The following MDN1 variants were observed in gnomAD, a reference collection of about 807,000 sequenced individuals.
The protein encoded by MDN1 is midasin AAA ATPase 1.
Under a neutral mutation model 669.2 loss-of-function variants are expected in MDN1, and 266 were observed. The observed-to-expected ratio is 0.40, with a 90% CI of 0.36 to 0.44. The LOEUF (loss-of-function observed/expected upper bound fraction) is 0.44, where lower values mean the gene tolerates loss of function less well. Among genes scored for constraint, MDN1 ranks in the 20% least tolerant of loss-of-function variants. The pLI is 1.00. For missense variants in MDN1, 5,940 were observed against 6,754.0 expected (o/e 0.88, Z 4.22); for synonymous variants, 2,385 against 2,457.1 (o/e 0.97, Z 0.87).
intron 53 of MDN1, among the ~76,000 whole-genome samples, chr6:89,703,394 C>T (rs1813296316): frequency 6.6e-6 from 1 of 151,186 alleles, no homozygotes; most frequent in South Asian, 2.1e-4. Context: ...TCTGTGAATC[C>T]TCTGTTTTAT....
chr6:89,779,261 T>C (rs1237591138), intron 11 of MDN1, among the ~76,000 whole-genome samples: 3 of 152,160 alleles, frequency 2.0e-5, no homozygotes, highest in Admixed American at 6.5e-5. Flanking sequence ...CTGGTTACCA[T>C]AGTATAGTTT....
intron 52 of MDN1, among the ~76,000 whole-genome samples, chr6:89,706,988 TG>T (rs1464641787): frequency 6.6e-6 from 1 of 152,010 alleles, no homozygotes; most frequent in Non-Finnish European, 1.5e-5. Context: ...CTATAATAAA[TG>T]CTTATGAATA....
chr6:89,702,938 CTTTTT>C (rs35611812), intron 53 of MDN1, among the ~76,000 whole-genome samples: 1 of 140,370 alleles, frequency 7.1e-6, no homozygotes, highest in Admixed American at 7.1e-5. Flanking sequence ...GGTAAAGGCC[CTTTTT>C]TTTTTTTTTT....
intron 37 of MDN1, among the ~76,000 whole-genome samples, chr6:89,725,984 T>C (rs1468298751): frequency 6.6e-6 from 1 of 151,476 alleles, no homozygotes; most frequent in African/African-American, 2.4e-5. Flanking sequence ...TATACACACA[T>C]ATATTAATAA....
chr6:89,742,289 T>G (rs958718341), intron 31 of MDN1, among the ~76,000 whole-genome samples: 1 of 152,120 alleles, frequency 6.6e-6, no homozygotes, highest in Non-Finnish European at 1.5e-5. Flanking sequence ...GGCACACATG[T>G]GTAGCCCAGC....
At chr6:89,763,207 T>C (rs1438243751) in intron 15 of MDN1, among the ~76,000 whole-genome samples, 2 of 151,902 alleles carry the variant, frequency 1.3e-5, no homozygotes, top group African/African-American at 2.4e-5. Context: ...GAAAAATAAA[T>C]ATCTGAAATT....
Position 89,715,712 on chromosome 6 carries a change from A to C in MDN1, c.6801T>G (p.Ile2267Met). 1.2e-6 allele frequency: 2 copies of C among 1,613,874 alleles called. No homozygotes were observed. Among genetic ancestry groups the C allele is most frequent in the Non-Finnish European group, 1.7e-6 (2 of 1,179,750 alleles). The change falls in exon 45 of 102, where the codon ATT (isoleucine) becomes ATG (methionine). Residue 2267 changes from isoleucine to methionine, a missense_variant. Physicochemically the swap from Ile to Met is conservative, Grantham distance 10. Coordinates refer to ENST00000369393, the MANE Select transcript of MDN1 (RefSeq NM_014611.3). Reference protein sequence around the residue: ...ALLEPGGVLTISERGMIDGST... With the variant: ...ALLEPGGVLTMSERGMIDGST... ...ATCCATCTATCATTCCTCTCTCACT[A>C]ATAGTGAGGACACCTCCGGGTTCAA... is the stretch of plus-strand genomic sequence containing the variant.
intron 1 of MDN1, among the ~76,000 whole-genome samples, chr6:89,806,924 A>G (rs1213625965): frequency 1.3e-5 from 2 of 152,070 alleles, no homozygotes; most frequent in African/African-American, 4.8e-5. Context: ...TCTTAAAAAT[A>G]AAATACATAA....
At chr6:89,688,890 C>A in intron 65 of MDN1, 82 bp from the exon 66 acceptor site, 1 of 1,156,486 alleles carries the variant, frequency 8.6e-7, no homozygotes, top group South Asian at 1.4e-5. Flanking sequence ...AGCAACAGGG[C>A]CAGGTGCAGT....
chr6:89,748,101 C>T (rs111709537), intron 26 of MDN1, among the ~76,000 whole-genome samples: 14,778 of 151,718 alleles, frequency 0.097, 909 homozygotes, highest in South Asian at 0.17. Flanking sequence ...CCAAGGCGGG[C>T]GGATCACAAG....
chr6:89,654,358 A>C, intron 92 of MDN1, 24 bp from the exon 93 acceptor site: 1 of 1,613,286 alleles, frequency 6.2e-7, no homozygotes, highest in Non-Finnish European at 8.5e-7. Context: ...ACGCACCCAC[A>C]CATAAAAATC....
At chr6:89,756,172 T>C (rs1817233615) in intron 20 of MDN1, 105 bp downstream of exon 20, 1 of 539,968 alleles carries the variant, frequency 1.9e-6, no homozygotes, top group Non-Finnish European at 3.2e-6. Context: ...CCATCAGTTT[T>C]CTCAAGTTAG....
At chr6:89,755,573 T>G (rs1472948412) in intron 20 of MDN1, among the ~76,000 whole-genome samples, 1 of 152,228 alleles carries the variant, frequency 6.6e-6, no homozygotes, top group East Asian at 1.9e-4. Context: ...ACTCAATAAG[T>G]ATTTGTATTA....
chr6:89,740,139 T>G, intron 32 of MDN1, 95 bp downstream of exon 32: 5 of 1,403,902 alleles, frequency 3.6e-6, no homozygotes, highest in African/African-American at 1.5e-5. Context: ...TTACCTAACA[T>G]AAAATTCCAA....
At chr6:89,682,600 C>A (rs771359916) in intron 73 of MDN1, among the ~76,000 whole-genome samples, 2 of 148,730 alleles carry the variant, frequency 1.3e-5, no homozygotes, top group East Asian at 3.9e-4. Flanking sequence ...CCCAGCTACT[C>A]GGGAGGCTGA....
chr6:89,807,302 G>C (rs748495769), intron 1 of MDN1, among the ~76,000 whole-genome samples: 13 of 152,106 alleles, frequency 8.5e-5, no homozygotes, highest in Non-Finnish European at 1.9e-4. Flanking sequence ...GCCCAGGCTG[G>C]TCTCGAACTC....
rs1818749157 is a variant in MDN1 at position 89,782,775 on chromosome 6, C to T, written c.1450-1183G>A. ...CCAACATGGTGAAACCCTGTCTCTA[C>T]TAAAAATTAAAAAATTAGCTGGGCA... On this transcript the variant is annotated intron_variant, in intron 9 of 101. Coordinates refer to ENST00000369393, the MANE Select transcript of MDN1 (RefSeq NM_014611.3). Among the ~76,000 whole-genome samples, 3 of 151,850 alleles carry T rather than the reference C, an allele frequency of 2.0e-5. No homozygotes were observed. The South Asian group carries it at 6.2e-4, about 32-fold the overall frequency.
intron 50 of MDN1, among the ~76,000 whole-genome samples, chr6:89,710,278 T>G (rs1813802626): frequency 6.6e-6 from 1 of 152,016 alleles, no homozygotes; most frequent in Non-Finnish European, 1.5e-5. Context: ...CCAAGCCAGT[T>G]TGTGGCAGAG....
intron 59 of MDN1, among the ~76,000 whole-genome samples, chr6:89,698,596 T>C (rs2128309261): frequency 6.6e-6 from 1 of 152,362 alleles, no homozygotes; most frequent in African/African-American, 2.4e-5. Context: ...CTGCACTGTT[T>C]AAATGTTTTA....
Sources: allele counts gnomAD v4.1 joint callset (sites outside exome capture counted in the v4.1 genomes callset), GRCh38; gene constraint gnomAD v4.1.1; transcripts MANE v1.5; gene names NCBI Gene and HGNC (gene_info 2026-07-23, HGNC 2026-07-21).